Variants in RHOU observed in about 807,000 individuals in gnomAD.
RHOU encodes rho-related GTP-binding protein RhoU.
In RHOU, 8 loss-of-function variants were observed where a neutral mutation model predicts 12.6. That is an observed-to-expected ratio of 0.64 (90% CI 0.37 to 1.15). The LOEUF (loss-of-function observed/expected upper bound fraction) is 1.15, where lower values mean the gene tolerates loss of function less well. RHOU is among the 50% of genes most tolerant of loss of function. RHOU has a pLI of 0.01. For missense variants in RHOU, 258 were observed against 347.0 expected, an observed-to-expected ratio of 0.74 and a Z score of 2.04; for synonymous variants, 161 against 147.4, an observed-to-expected ratio of 1.09 and a Z score of -0.67.
the RHOU span, chr1:228,687,574 C>T: frequency 1.0e-5 from 16 of 1,550,952 alleles, no homozygotes; most frequent in South Asian, 3.3e-5. Flanking sequence ...GGGCTGAATG[C>T]GATGGAGTGT....
chr1:228,740,032 G>T (rs1662690426), intron 2 of RHOU, among the ~76,000 whole-genome samples: 1 of 152,204 alleles, frequency 6.6e-6, no homozygotes, highest in Admixed American at 6.5e-5. Flanking sequence ...AGAGGTGCAG[G>T]CTGGTTGGGC....
chr1:228,660,441 G>A, the RHOU span, among the ~76,000 whole-genome samples: 1 of 150,992 alleles, frequency 6.6e-6, no homozygotes, highest in African/African-American at 2.4e-5. Context: ...CCAAAAACTT[G>A]AAGAGGAGGG....
At chr1:228,736,331 G>A (rs1393779716) in intron 1 of RHOU, among the ~76,000 whole-genome samples, 1 of 151,916 alleles carries the variant, frequency 6.6e-6, no homozygotes, top group Non-Finnish European at 1.5e-5. Flanking sequence ...TTGAGTTCAG[G>A]GTGCCCGGTC....
chr1:228,727,801 A>C, the RHOU span, among the ~76,000 whole-genome samples: 3 of 152,192 alleles, frequency 2.0e-5, no homozygotes, highest in Non-Finnish European at 4.4e-5. Flanking sequence ...TGGTTGAGAA[A>C]TGATTACATG....
rs1387779014 is a variant in RHOU at position 228,738,982 on chromosome 1, G to A, written c.321+1251G>A. On this transcript the variant is annotated intron_variant, in intron 2 of 2. Transcript: ENST00000366691. The surrounding 1 kb of genome is among the most constrained non-coding windows in gnomAD (Gnocchi z 4.2). ...ATAAAAAAATTAGCCTGGTGTGGTG[G>A]CACTGTCTGTAGTCCCAGCCACCAG... is the stretch of plus-strand genomic sequence containing the variant. 2.0e-5 allele frequency among the ~76,000 whole-genome samples: 3 copies of A among 151,952 alleles called. No homozygotes were observed. Among genetic ancestry groups the A allele is most frequent in the African/African-American group, 7.3e-5 (3 of 41,330 alleles).
the RHOU span, among the ~76,000 whole-genome samples, chr1:228,664,382 T>C: frequency 6.6e-6 from 1 of 152,106 alleles, no homozygotes; most frequent in African/African-American, 2.4e-5. Context: ...GGCTCATTTG[T>C]TCCTCAAATG....
the RHOU span, among the ~76,000 whole-genome samples, chr1:228,721,064 G>A: frequency 6.6e-6 from 1 of 152,232 alleles, no homozygotes; most frequent in Non-Finnish European, 1.5e-5. Flanking sequence ...CACTTTGGGA[G>A]GTCTAGGTGG....
chr1:228,649,946 A>G, the RHOU span, among the ~76,000 whole-genome samples: 1 of 152,236 alleles, frequency 6.6e-6, no homozygotes, highest in Non-Finnish European at 1.5e-5. Context: ...GTTTGACACA[A>G]AATAACCAGT....
Position 228,737,725 on chromosome 1 carries a change from C to T in RHOU, c.315C>T (p.Ala105=), listed in dbSNP as rs973673001. Residue 105 remains alanine, a synonymous_variant, in exon 2 of 3, where the codon GCC becomes GCT. Transcript: ENST00000366691. This position sits in a 1 kb window ranked among gnomAD's most constrained non-coding sequence, Gnocchi z 4.1. ...TGAGACTCCAACTCTGTGACACTGC[C>T]GGACAGGTCAGTATCACGTTACAGC... ...RPVRLQLCDT[A]GQDEFDKLRP... 28 of 1,613,966 alleles carry T rather than the reference C, an allele frequency of 1.7e-5. No individual in the cohort carries two copies. Among genetic ancestry groups the T allele is most frequent in the African/African-American group, 2.7e-5 (2 of 74,892 alleles).
the RHOU span, among the ~76,000 whole-genome samples, chr1:228,723,889 C>T: frequency 1.3e-5 from 2 of 152,134 alleles, no homozygotes; most frequent in Non-Finnish European, 2.9e-5. Flanking sequence ...TTCTCCAACA[C>T]GGAGACAGTC....
the RHOU span, among the ~76,000 whole-genome samples, chr1:228,706,878 T>C: frequency 4.5e-4 from 68 of 151,934 alleles, no homozygotes; most frequent in Admixed American, 1.8e-3. Context: ...CATGATCAAA[T>C]CATCTGCAAA....
chr1:228,652,345 A>C, the RHOU span: 3 of 152,276 alleles, frequency 2.0e-5, no homozygotes, highest in African/African-American at 7.2e-5. Flanking sequence ...CAATCCATGC[A>C]AATGTGAAGA....
chr1:228,704,280 C>G, the RHOU span, among the ~76,000 whole-genome samples: 1 of 152,200 alleles, frequency 6.6e-6, no homozygotes, highest in African/African-American at 2.4e-5. Flanking sequence ...GTAACCCAAC[C>G]ACCTTGGGCA....
rs964164425 is a variant in RHOU, at chr1:228,735,873, G to T, written c.131G>T (p.Gly44Val). Residue 44 changes from glycine to valine, a missense_variant, in exon 1 of 3, where the codon GGT becomes GTT. Transcript: ENST00000366691. This position sits in a 1 kb window ranked among gnomAD's most constrained non-coding sequence, Gnocchi z 8.1. ...GEPGGRGRAG[G>V]AEGRGVKCVL... ...CCGGGGGGCCGGGGGCGTGCGGGGG[G>T]TGCCGAGGGGCGCGGCGTCAAGTGC... 6.0e-6 allele frequency: 9 copies of T among 1,494,202 alleles called. No individual in the cohort carries two copies. Among genetic ancestry groups the T allele is most frequent in the East Asian group, 5.5e-5 (2 of 36,258 alleles). The allele number at this position is 1,494,202 out of a possible 1,614,324, so 92.6% of individuals were successfully genotyped here.
the RHOU span, among the ~76,000 whole-genome samples, chr1:228,669,872 T>C: frequency 6.6e-6 from 1 of 152,190 alleles, no homozygotes; most frequent in African/African-American, 2.4e-5. Flanking sequence ...TTTGGTGCAC[T>C]TCAAACTGAA....
chr1:228,718,016 G>A, the RHOU span, among the ~76,000 whole-genome samples: 1 of 152,146 alleles, frequency 6.6e-6, no homozygotes, highest in African/African-American at 2.4e-5. Flanking sequence ...AGAACATTAT[G>A]TCTGTTCTTA....
the RHOU span, among the ~76,000 whole-genome samples, chr1:228,701,046 G>A: frequency 1.3e-5 from 2 of 152,146 alleles, no homozygotes; most frequent in African/African-American, 4.8e-5. Context: ...CTGTGACTGT[G>A]CCACTGCACT....
At chr1:228,656,148 T>C in the RHOU span, among the ~76,000 whole-genome samples, 1 of 152,218 alleles carries the variant, frequency 6.6e-6, no homozygotes, top group Non-Finnish European at 1.5e-5. Flanking sequence ...CAATGCTTAG[T>C]CTCAAATAAA....
chr1:228,714,159 C>T, the RHOU span, among the ~76,000 whole-genome samples: 1 of 150,228 alleles, frequency 6.7e-6, no homozygotes, highest in Non-Finnish European at 1.5e-5. Flanking sequence ...AGCAAATCAA[C>T]TTTGAATTGC....
Sources: allele counts gnomAD v4.1 joint callset (sites outside exome capture counted in the v4.1 genomes callset), GRCh38; gene constraint gnomAD v4.1.1; non-coding constraint Gnocchi (gnomAD v3.1); transcripts MANE v1.5; gene names NCBI Gene and HGNC (gene_info 2026-07-23, HGNC 2026-07-21).